Variants in SLIT3 observed in about 807,000 individuals in gnomAD.
The protein encoded by SLIT3 is slit homolog 3 protein.
In SLIT3, 68 loss-of-function variants were observed where a neutral mutation model predicts 184.0. The observed-to-expected ratio is 0.37, with a 90% CI of 0.30 to 0.45. The LOEUF (loss-of-function observed/expected upper bound fraction) is 0.45, where lower values mean the gene tolerates loss of function less well. SLIT3 is among the 20% of genes least tolerant of loss of function. The pLI, the probability that SLIT3 is intolerant of heterozygous loss-of-function variation, is 1.00. For missense variants in SLIT3, 1,707 were observed against 2,026.0 expected (o/e 0.84, Z 3.02); for synonymous variants, 831 against 828.6 (o/e 1.00, Z -0.05).
chr5:169,268,032 G>A (rs182531868), intron 1 of SLIT3, among the ~76,000 whole-genome samples: 114 of 152,330 alleles, frequency 7.5e-4, no homozygotes, highest in African/African-American at 2.5e-3. Flanking sequence ...GGACTGCATT[G>A]GAACAGGCTA....
At chr5:168,858,600 C>T (rs918602718) in intron 5 of SLIT3, among the ~76,000 whole-genome samples, 13 of 152,356 alleles carry the variant, frequency 8.5e-5, no homozygotes, top group South Asian at 6.2e-4. Context: ...TGGGCTTACG[C>T]GTTGGGCTCC....
At chr5:169,189,735 G>A (rs1351715767) in intron 4 of SLIT3, among the ~76,000 whole-genome samples, 1 of 151,770 alleles carries the variant, frequency 6.6e-6, no homozygotes, top group African/African-American at 2.4e-5. Flanking sequence ...CTGCCGCTAA[G>A]TAGTTGTATG....
At chr5:169,015,607 C>T (rs1756332753) in intron 4 of SLIT3, among the ~76,000 whole-genome samples, 1 of 152,046 alleles carries the variant, frequency 6.6e-6, no homozygotes, top group Admixed American at 6.6e-5. Context: ...TAAGGATCTC[C>T]CCGGTTTCAA....
chr5:169,145,003 C>T (rs970616193), intron 4 of SLIT3, among the ~76,000 whole-genome samples: 1 of 152,132 alleles, frequency 6.6e-6, no homozygotes, highest in Non-Finnish European at 1.5e-5. Flanking sequence ...ATAATTACCG[C>T]CGTTTTAAAC....
chr5:169,173,511 A>C (rs1762879711), intron 4 of SLIT3, among the ~76,000 whole-genome samples: 1 of 152,186 alleles, frequency 6.6e-6, no homozygotes. Context: ...CCTAGATCTG[A>C]AAACAAGGGC....
At chr5:169,077,544 A>C (rs964900169) in intron 4 of SLIT3, among the ~76,000 whole-genome samples, 1 of 152,002 alleles carries the variant, frequency 6.6e-6, no homozygotes, top group African/African-American at 2.4e-5. Context: ...GTCTCAAAAA[A>C]ACAAAAAACA....
At chr5:169,194,239 A>G (rs1303873525) in intron 3 of SLIT3, among the ~76,000 whole-genome samples, 3 of 143,382 alleles carry the variant, frequency 2.1e-5, no homozygotes, top group African/African-American at 7.8e-5. Flanking sequence ...GTCTCAAAAA[A>G]AAAAAAAAAA....
At chr5:169,107,635 C>G (rs934437752) in intron 4 of SLIT3, among the ~76,000 whole-genome samples, 2 of 152,218 alleles carry the variant, frequency 1.3e-5, no homozygotes, top group Non-Finnish European at 2.9e-5. Context: ...CACAGGGAGC[C>G]TGGGAATGTG....
intron 4 of SLIT3, among the ~76,000 whole-genome samples, chr5:169,148,226 G>T (rs1230728753): frequency 6.6e-6 from 1 of 152,164 alleles, no homozygotes; most frequent in Non-Finnish European, 1.5e-5. Context: ...AACCTCAGTG[G>T]ATTTTGAAAA....
intron 16 of SLIT3, among the ~76,000 whole-genome samples, chr5:168,756,430 CG>C (rs1468078339): frequency 6.6e-6 from 1 of 152,226 alleles, no homozygotes; most frequent in African/African-American, 2.4e-5. Flanking sequence ...AGGAAACAGC[CG>C]GTGCCTTGGT....
At chr5:168,852,548 T>A (rs1209258604) in intron 5 of SLIT3, among the ~76,000 whole-genome samples, 2 of 152,330 alleles carry the variant, frequency 1.3e-5, no homozygotes, top group Middle Eastern at 6.8e-3. Context: ...AATCGGCACA[T>A]CCTGGGGAGT....
At chr5:169,238,962 C>T (rs1191199077) in intron 3 of SLIT3, among the ~76,000 whole-genome samples, 2 of 152,170 alleles carry the variant, frequency 1.3e-5, no homozygotes, top group Non-Finnish European at 2.9e-5. Flanking sequence ...GCCCTCTTCT[C>T]AGGGTCCTAA....
intron 4 of SLIT3, among the ~76,000 whole-genome samples, chr5:168,954,483 A>T (rs188392490): frequency 2.0e-5 from 3 of 152,302 alleles, no homozygotes; most frequent in Admixed American, 2.0e-4. Flanking sequence ...CACCTGTCAG[A>T]TTCCCGGCTC....
At chr5:168,719,097 G>C (rs1184387960) in intron 23 of SLIT3, among the ~76,000 whole-genome samples, 1 of 152,142 alleles carries the variant, frequency 6.6e-6, no homozygotes, top group Non-Finnish European at 1.5e-5. Flanking sequence ...TGTTACCCAG[G>C]CTGGAGTGCA....
At chr5:168,911,205 A>G (rs529428837) in intron 4 of SLIT3, among the ~76,000 whole-genome samples, 1 of 152,310 alleles carries the variant, frequency 6.6e-6, no homozygotes, top group East Asian at 1.9e-4. Context: ...CTTGTGAAGG[A>G]ATAATTATTG....
At chr5:168,805,101 T>C (rs565610442) in intron 9 of SLIT3, among the ~76,000 whole-genome samples, 29 of 152,374 alleles carry the variant, frequency 1.9e-4, no homozygotes, top group Admixed American at 1.8e-3. Context: ...TTTACTTTGT[T>C]GCTTGTTTAT....
intron 29 of SLIT3, among the ~76,000 whole-genome samples, chr5:168,690,015 C>G (rs930470318): frequency 4.6e-5 from 7 of 152,086 alleles, no homozygotes; most frequent in Admixed American, 1.3e-4. Flanking sequence ...ACTCAAGGAA[C>G]TTTAGTTACA....
intron 3 of SLIT3, among the ~76,000 whole-genome samples, chr5:169,205,257 G>A (rs1764031625): frequency 6.6e-6 from 1 of 152,174 alleles, no homozygotes. Flanking sequence ...CTGCCCTAGA[G>A]CTATGCAACT....
chr5:168,757,687 A>G (rs926135480), intron 16 of SLIT3, among the ~76,000 whole-genome samples: 13 of 152,282 alleles, frequency 8.5e-5, no homozygotes, highest in African/African-American at 3.1e-4. Context: ...CGCCTGGCTC[A>G]GCCTCCCAAA....
Sources: gnomAD v4.1 joint callset for allele counts (sites outside exome capture counted in the v4.1 genomes callset) on GRCh38, gnomAD v4.1.1 for gene constraint, MANE v1.5 for transcripts, NCBI Gene and HGNC (gene_info 2026-07-23, HGNC 2026-07-21) for gene names.